The following SLC19A2 variants were observed in gnomAD, a reference collection of about 807,000 sequenced individuals.
SLC19A2 encodes solute carrier family 19 member 2, also known as thiamine transporter 1.
A neutral mutation model predicts 44.7 loss-of-function variants in SLC19A2; 27 were observed. The observed-to-expected ratio is 0.60, with a 90% confidence interval of 0.45 to 0.83. The LOEUF is 0.83. Among genes scored for constraint, SLC19A2 ranks in the 40% least tolerant of loss-of-function variants. The pLI, the probability that SLC19A2 is intolerant of heterozygous loss-of-function variation, is 0.00. For missense variants in SLC19A2, 566 were observed against 613.7 expected (o/e 0.92, Z 0.82); for synonymous variants, 239 against 243.6 (o/e 0.98, Z 0.18).
intron 5 of SLC19A2, 91 bp downstream of exon 5, chr1:169,468,020 G>T: frequency 7.8e-7 from 1 of 1,289,808 alleles, no homozygotes; most frequent in Non-Finnish European, 1.1e-6. Flanking sequence ...GTTCCCTATT[G>T]TTTGGATTTG....
chr1:169,484,609 T>C (rs1230775691), intron 1 of SLC19A2, among the ~76,000 whole-genome samples: 1 of 152,232 alleles, frequency 6.6e-6, no homozygotes, highest in South Asian at 2.1e-4. Context: ...GGAAGTACTT[T>C]GGGTTTAATT....
Position 169,485,758 on chromosome 1 carries a change from C to T in SLC19A2, c.9G>A (p.Val3=), listed in dbSNP as rs1363553501. 1.3e-6 allele frequency: 2 copies of T among 1,533,438 alleles called. No homozygotes were observed. Among genetic ancestry groups the T allele is most frequent in the Admixed American group, 4.0e-5 (2 of 50,576 alleles). The allele number at this position is 1,533,438 out of a possible 1,614,324, so 95.0% of individuals were successfully genotyped here. The change falls in exon 1 of 6, where the codon GTG becomes GTA. Residue 3 remains valine, a synonymous_variant. Coordinates refer to ENST00000236137, the MANE Select transcript of SLC19A2 (RefSeq NM_006996.3). MD[V]PGPVSRRAAA... ...CCGCCCGCCGAGACACCGGGCCGGG[C>T]ACATCCATCCGGGGCGCGAGGGGAG...
rs1553212054 is a variant in SLC19A2, at chr1:169,470,124, G to A, written c.870C>T (p.Tyr290=). 3.1e-6 allele frequency: 5 copies of A among 1,614,134 alleles called. No homozygotes were observed. Among genetic ancestry groups the A allele is most frequent in the African/African-American group, 1.3e-5 (1 of 75,028 alleles). The change falls in exon 3 of 6, where the codon TAC becomes TAT. Residue 290 remains tyrosine, a synonymous_variant. Coordinates refer to ENST00000236137, the MANE Select transcript of SLC19A2 (RefSeq NM_006996.3). Reference sequence around the variant, plus strand: ...ACCAGCAGAGAAGAGGGCGAGAGGAGTAGCACATCAGGAAATCATTCCATA... The same window carrying A: ...ACCAGCAGAGAAGAGGGCGAGAGGAATAGCACATCAGGAAATCATTCCATA... The part of the protein sequence containing the change: ...KVLWNDFLMC[Y]SSRPLLCWSV...
At position 169,481,980 on chromosome 1, in the gene SLC19A2, C is replaced by T. The variant is rs1406687340; in HGVS notation, c.204+3583G>A. On this transcript the variant is annotated intron_variant, in intron 1 of 5. Coordinates refer to ENST00000236137, the MANE Select transcript of SLC19A2 (RefSeq NM_006996.3). ...TTGGGAAGCCGAGGTGGGTAGATTACCTGAGGTCAGGCGTTCGAGACCAGC... is the reference window on the plus strand; with the variant it reads ...TTGGGAAGCCGAGGTGGGTAGATTATCTGAGGTCAGGCGTTCGAGACCAGC... 6.6e-5 allele frequency among the ~76,000 whole-genome samples: 10 copies of T among 152,260 alleles called. No individual in the cohort carries two copies. In the East Asian group the frequency reaches 1.9e-3, roughly 29 times the overall value.
rs1393813617 is a variant in SLC19A2 at position 169,465,847 on chromosome 1, T to C, written c.*2A>G. 5.6e-6 allele frequency: 9 copies of C among 1,613,758 alleles called. No individual in the cohort carries two copies. Among genetic ancestry groups the C allele is most frequent in the Non-Finnish European group, 7.6e-6 (9 of 1,179,880 alleles). On this transcript the variant is annotated 3_prime_UTR_variant, in exon 6 of 6. Coordinates refer to ENST00000236137, the MANE Select transcript of SLC19A2 (RefSeq NM_006996.3). The stretch of plus-strand genomic sequence containing the variant: ...TATAAGAAGAAGCCCTTCAGCAGTA[T>C]ATTATGAAGTGGTTACTTGAGAACT...
In SLC19A2 at chr1:169,480,374, G is replaced by A. The variant is rs1465999281; in HGVS notation, c.205-2617C>T. 4.6e-5 allele frequency among the ~76,000 whole-genome samples: 7 copies of A among 151,844 alleles called. No homozygotes were observed. The South Asian group carries it at 8.3e-4, about 18-fold the overall frequency. ...GTCACCCAGGCTGGAGTGCAATGGC[G>A]TGATCTCGGCTCACTGCAACCTCTG... On this transcript the variant is annotated intron_variant, in intron 1 of 5. Coordinates refer to ENST00000236137, the MANE Select transcript of SLC19A2 (RefSeq NM_006996.3).
chr1:169,479,904 T>TA (rs1295614502), intron 1 of SLC19A2, among the ~76,000 whole-genome samples: 2 of 152,186 alleles, frequency 1.3e-5, no homozygotes, highest in Non-Finnish European at 2.9e-5. Context: ...AGGCAAACAA[T>TA]AAAAAATTGT....
intron 5 of SLC19A2, among the ~76,000 whole-genome samples, chr1:169,467,498 T>A (rs1174643789): frequency 6.6e-6 from 1 of 152,184 alleles, no homozygotes; most frequent in East Asian, 1.9e-4. Flanking sequence ...CTTGATTCAT[T>A]CAGTTGCCCA....
chr1:169,473,280 G>GCT (rs578063406), intron 2 of SLC19A2, among the ~76,000 whole-genome samples: 27 of 151,988 alleles, frequency 1.8e-4, no homozygotes, highest in African/African-American at 6.5e-4. Context: ...TGTTGCCCAG[G>GCT]CTAGAGTACA....
chr1:169,468,084 C>G (rs771467415), intron 5 of SLC19A2, 27 bp downstream of exon 5: 2 of 1,613,136 alleles, frequency 1.2e-6, no homozygotes, highest in Non-Finnish European at 1.7e-6. Flanking sequence ...ACACATACTA[C>G]CTTCGATGCC....
At chr1:169,471,566 G>C (rs1658182163) in intron 2 of SLC19A2, among the ~76,000 whole-genome samples, 1 of 147,518 alleles carries the variant, frequency 6.8e-6, no homozygotes, top group Non-Finnish European at 1.5e-5. Flanking sequence ...TCAGGAGACT[G>C]AGGTGGGAGG....
intron 1 of SLC19A2, among the ~76,000 whole-genome samples, chr1:169,480,365 T>C (rs1658417140): frequency 6.6e-6 from 1 of 152,000 alleles, no homozygotes; most frequent in East Asian, 1.9e-4. Flanking sequence ...CAGGCTGGAG[T>C]GCAATGGCGT....
chr1:169,470,228 C>T (rs1455599544), intron 2 of SLC19A2, 42 bp from the exon 3 acceptor site: 1 of 1,560,174 alleles, frequency 6.4e-7, no homozygotes, highest in African/African-American at 1.4e-5. Flanking sequence ...CTGATGAAGG[C>T]AATTATATAG....
chr1:169,468,685 A>C lies in SLC19A2; in HGVS notation c.1182T>G (p.Val394=). The stretch of plus-strand genomic sequence containing the variant: ...GTAACATGTAGATGATTCTGAAGAC[A>C]ACATAGGATGCATAGCACACCCAAA... The part of the protein sequence containing the change: ...GNIWVCYASY[V]VFRIIYMLLI... Residue 394 remains valine (V), a synonymous_variant, in exon 4 of 6, where the codon GTT becomes GTG. Coordinates refer to ENST00000236137, the MANE Select transcript of SLC19A2 (RefSeq NM_006996.3). 1 of 1,613,964 alleles carries C rather than the reference A, an allele frequency of 6.2e-7. No homozygotes were observed. Among genetic ancestry groups the C allele is most frequent in the Non-Finnish European group, 8.5e-7 (1 of 1,179,880 alleles).
chr1:169,477,777 A>C lies in SLC19A2; in HGVS notation c.205-20T>G, dbSNP rs760344813. The C allele has an allele frequency of 1.0e-5, 16 of 1,589,704 alleles. No homozygotes were observed. In the East Asian group the frequency reaches 1.1e-4, roughly 11 times the overall value. On this transcript the variant is annotated intron_variant, in intron 1 of 5. Coordinates refer to ENST00000236137, the MANE Select transcript of SLC19A2 (RefSeq NM_006996.3). Reference sequence around the variant, plus strand: ...GAAGACCTGGTAGAAAGAGAAAAAAAAAAAACAAAAAACATTAGTGATGAA... The same window carrying C: ...GAAGACCTGGTAGAAAGAGAAAAAACAAAAACAAAAAACATTAGTGATGAA...
At chr1:169,478,790 C>G (rs187644150) in intron 1 of SLC19A2, among the ~76,000 whole-genome samples, 1 of 151,900 alleles carries the variant, frequency 6.6e-6, no homozygotes, top group African/African-American at 2.4e-5. Flanking sequence ...GTTAGCCAAG[C>G]GTTGTGGCAC....
Position 169,465,460 on chromosome 1 carries a change from G to A in SLC19A2, c.*389C>T, listed in dbSNP as rs1657964729. 2 of 239,652 alleles carry A rather than the reference G, an allele frequency of 8.3e-6. No individual in the cohort carries two copies. Among genetic ancestry groups the A allele is most frequent in the South Asian group, 1.1e-4 (2 of 17,478 alleles). 14.8% of individuals were successfully genotyped at this position (239,652 alleles called of 1,614,324 possible). On this transcript the variant is annotated 3_prime_UTR_variant, in exon 6 of 6. Transcript: ENST00000236137. ...TGCAACATTTTGTGGCCTCTGTGGA[G>A]CCCTGGTCCCACCAGGCCAAGCATC...
Position 169,485,798 on chromosome 1 carries a change from C to T in SLC19A2, c.-32G>A, listed in dbSNP as rs1267400509. 2 of 1,508,186 alleles carry T rather than the reference C, an allele frequency of 1.3e-6. No individual in the cohort carries two copies. The highest frequency in any genetic ancestry group is 4.4e-5 in the Admixed American group (2 of 45,654). 93.4% of individuals were successfully genotyped at this position (1,508,186 alleles called of 1,614,324 possible). ...CGCGAGGGGAGGGGACCCGGCCCGG[C>T]CCCTTCCTTCTCCTCCTCCGCCAAC... On this transcript the variant is annotated 5_prime_UTR_variant, in exon 1 of 6. Coordinates refer to ENST00000236137, the MANE Select transcript of SLC19A2 (RefSeq NM_006996.3).
In SLC19A2 at chr1:169,477,764, G is replaced by T. The variant is rs749352853; in HGVS notation, c.205-7C>A. 8 of 1,558,864 alleles carry T rather than the reference G, an allele frequency of 5.1e-6. No homozygotes were observed. Among genetic ancestry groups the T allele is most frequent in the South Asian group, 1.2e-5 (1 of 85,880 alleles). ...GATAAATTTCATTGAAGACCTGGTA[G>T]AAAGAGAAAAAAAAAAAACAAAAAA... is the stretch of plus-strand genomic sequence containing the variant. On this transcript the variant is annotated splice_polypyrimidine_tract_variant and splice_region_variant and intron_variant, in intron 1 of 5. Transcript: ENST00000236137.
Sources: gnomAD v4.1 joint callset for allele counts (sites outside exome capture counted in the v4.1 genomes callset) on GRCh38, gnomAD v4.1.1 for gene constraint, MANE v1.5 for transcripts, NCBI Gene and HGNC (gene_info 2026-07-23, HGNC 2026-07-21) for gene names.